The following AGBL4 variants were observed in gnomAD, a reference collection of about 807,000 sequenced individuals.
AGBL4 encodes the protein AGBL carboxypeptidase 4.
Under a neutral mutation model 66.4 loss-of-function variants are expected in AGBL4, and 58 were observed. The observed-to-expected ratio is 0.87, with a 90% CI of 0.71 to 1.09. AGBL4 has a LOEUF of 1.09. Among genes scored for constraint, AGBL4 ranks in the 50% least tolerant of loss-of-function variants. AGBL4 has a pLI of 0.00. For missense variants in AGBL4, 579 were observed against 631.0 expected, an observed-to-expected ratio of 0.92 and a Z score of 0.88; for synonymous variants, 234 against 222.9, an observed-to-expected ratio of 1.05 and a Z score of -0.44.
intron 6 of AGBL4, among the ~76,000 whole-genome samples, chr1:48,709,227 CTATTCTTGTACT>C (rs1441760818): frequency 6.6e-6 from 1 of 152,172 alleles, no homozygotes; most frequent in Non-Finnish European, 1.5e-5. Context: ...AACGAAATGC[CTATTCTTGTACT>C]AGGCTCTGAG....
chr1:49,421,402 T>C (rs574622307), intron 3 of AGBL4, among the ~76,000 whole-genome samples: 49 of 152,240 alleles, frequency 3.2e-4, no homozygotes, highest in Middle Eastern at 3.4e-3. Flanking sequence ...CTGTGGGTAC[T>C]ATGTCATAAA....
intron 6 of AGBL4, among the ~76,000 whole-genome samples, chr1:48,703,897 A>G (rs1646841070): frequency 1.3e-5 from 2 of 152,242 alleles, no homozygotes; most frequent in Non-Finnish European, 2.9e-5. Context: ...ATACACACCC[A>G]TGCATTGCTA....
At chr1:48,987,799 C>A (rs143940751) in intron 5 of AGBL4, among the ~76,000 whole-genome samples, 1 of 152,030 alleles carries the variant, frequency 6.6e-6, no homozygotes, top group Admixed American at 6.6e-5. Flanking sequence ...ATGGAATCTA[C>A]ATAAAAGCTG....
chr1:49,811,723 G>C (rs1483825969), intron 2 of AGBL4, among the ~76,000 whole-genome samples: 1 of 152,010 alleles, frequency 6.6e-6, no homozygotes, highest in African/African-American at 2.4e-5. Context: ...CCAAAGTGCT[G>C]GGATTACAGG....
intron 5 of AGBL4, among the ~76,000 whole-genome samples, chr1:49,000,572 A>G (rs568431003): frequency 1.1e-4 from 16 of 152,258 alleles, no homozygotes; most frequent in Admixed American, 8.5e-4. Context: ...ACATTTTTTT[A>G]TATTGCTTTA....
At position 49,713,060 on chromosome 1, in the gene AGBL4, A is replaced by C. The variant is rs577884437; in HGVS notation, c.158-15623T>G. Reference sequence around the variant, plus strand: ...GTAAAAGTAACGTATATTAAATGTAAATTAATGGTTTGTATTTTTTTATGT... The same window carrying C: ...GTAAAAGTAACGTATATTAAATGTACATTAATGGTTTGTATTTTTTTATGT... On this transcript the variant is annotated intron_variant, in intron 2 of 13. Coordinates refer to ENST00000371839, the MANE Select transcript of AGBL4 (RefSeq NM_032785.4). Among the ~76,000 whole-genome samples the C allele has an allele frequency of 6.9e-4, 105 of 152,148 alleles. 1 individual carries two copies. Among genetic ancestry groups the C allele is most frequent in the Non-Finnish European group, 1.9e-4 (13 of 67,938 alleles).
chr1:49,807,330 C>A (rs761912514), intron 2 of AGBL4, among the ~76,000 whole-genome samples: 4 of 152,170 alleles, frequency 2.6e-5, no homozygotes, highest in East Asian at 1.9e-4. Context: ...TAGGATCTCT[C>A]CCCTGGAAGG....
intron 6 of AGBL4, among the ~76,000 whole-genome samples, chr1:48,830,717 A>G (rs941380014): frequency 1.3e-5 from 2 of 152,252 alleles, no homozygotes; most frequent in Non-Finnish European, 2.9e-5. Flanking sequence ...TCACTGAGCT[A>G]ATCAATAAAT....
intron 9 of AGBL4, among the ~76,000 whole-genome samples, chr1:48,631,485 G>C (rs1442338687): frequency 6.6e-6 from 1 of 152,170 alleles, no homozygotes; most frequent in Non-Finnish European, 1.5e-5. Flanking sequence ...CCGTCTCCCA[G>C]GTTTAGGTAA....
rs1275862822 is a variant in AGBL4, at chr1:49,372,689, CTCTT to C, written c.283-126829_283-126826del. 1.2e-3 allele frequency among the ~76,000 whole-genome samples: 142 copies of C among 117,516 alleles called. 1 individual carries two copies. Among genetic ancestry groups the C allele is most frequent in the African/African-American group, 4.2e-3 (134 of 31,980 alleles). 77.1% of individuals were successfully genotyped at this position (117,516 alleles called of 152,430 possible). On this transcript the variant is annotated intron_variant, in intron 3 of 13. Transcript: ENST00000371839. ...TTTCTTTCTTTCTTTCTCTTTCTTT[CTCTT>C]TCTTTCTTTTTCTTTCTCTCTCTCT... is the stretch of plus-strand genomic sequence containing the variant.
chr1:49,629,604 C>CTT (rs2124348674), intron 3 of AGBL4, among the ~76,000 whole-genome samples: 1 of 152,286 alleles, frequency 6.6e-6, no homozygotes, highest in South Asian at 2.1e-4. Context: ...TCCGCTCTAA[C>CTT]AGAGGCTCCA....
At position 49,736,996 on chromosome 1, in the gene AGBL4, T is replaced by G. The variant is rs193053900; in HGVS notation, c.158-39559A>C. ...TGACACCAGTCAGACAATTTGACAT[T>G]TTAACAATGGCTATTAAAAAGTTTA... On this transcript the variant is annotated intron_variant, in intron 2 of 13. Coordinates refer to ENST00000371839, the MANE Select transcript of AGBL4 (RefSeq NM_032785.4). Among the ~76,000 whole-genome samples the G allele has an allele frequency of 1.7e-3, 256 of 152,138 alleles. 2 individuals are homozygous for G. The highest frequency in any genetic ancestry group is 6.0e-3 in the African/African-American group (249 of 41,538).
chr1:49,088,874 A>T (rs1644953085), intron 4 of AGBL4, among the ~76,000 whole-genome samples: 2 of 151,576 alleles, frequency 1.3e-5, no homozygotes, highest in Non-Finnish European at 2.9e-5. Context: ...TCAGCAAATT[A>T]AAAAAAATCA....
intron 9 of AGBL4, among the ~76,000 whole-genome samples, chr1:48,629,557 A>G (rs1391881933): frequency 6.6e-6 from 1 of 152,192 alleles, no homozygotes; most frequent in African/African-American, 2.4e-5. Context: ...TTAGATGGTG[A>G]GGGCAGGTTA....
intron 6 of AGBL4, among the ~76,000 whole-genome samples, chr1:48,756,862 T>A (rs561792213): frequency 7.2e-5 from 11 of 152,194 alleles, no homozygotes; most frequent in African/African-American, 2.2e-4. Flanking sequence ...TTATGTTGAG[T>A]CCAACCCATT....
chr1:48,711,880 C>G (rs1329906854), intron 6 of AGBL4, among the ~76,000 whole-genome samples: 1 of 152,178 alleles, frequency 6.6e-6, no homozygotes, highest in Non-Finnish European at 1.5e-5. Flanking sequence ...CACGCTGAAG[C>G]CAGAATGAAC....
At chr1:49,065,908 G>A (rs952836375) in intron 4 of AGBL4, among the ~76,000 whole-genome samples, 3 of 152,188 alleles carry the variant, frequency 2.0e-5, no homozygotes, top group African/African-American at 7.2e-5. Context: ...GAGAACACGG[G>A]GAAAGTGGTG....
intron 3 of AGBL4, among the ~76,000 whole-genome samples, chr1:49,660,254 C>T (rs985383758): frequency 6.6e-6 from 1 of 151,560 alleles, no homozygotes; most frequent in Non-Finnish European, 1.5e-5. Flanking sequence ...AACAAATTTA[C>T]AAGAAAAAAG....
At chr1:49,062,868 G>A (rs1285945205) in intron 4 of AGBL4, among the ~76,000 whole-genome samples, 1 of 152,140 alleles carries the variant, frequency 6.6e-6, no homozygotes, top group Non-Finnish European at 1.5e-5. Flanking sequence ...CCTGTGTATG[G>A]CATAGCTTCC....
Sources: gnomAD v4.1 joint callset for allele counts (sites outside exome capture counted in the v4.1 genomes callset) on GRCh38, gnomAD v4.1.1 for gene constraint, MANE v1.5 for transcripts, NCBI Gene and HGNC (gene_info 2026-07-23, HGNC 2026-07-21) for gene names.